Variants in MGAT4C observed in about 807,000 individuals in gnomAD.
MGAT4C encodes MGAT4 family member C, also known as alpha-1,3-mannosyl-glycoprotein 4-beta-N-acetylglucosaminyltransferase C.
A neutral mutation model predicts 40.1 loss-of-function variants in MGAT4C; 19 were observed. That is an observed-to-expected ratio of 0.47 (90% confidence interval 0.33 to 0.70). MGAT4C has a LOEUF of 0.70. Among genes scored for constraint, MGAT4C ranks in the 30% least tolerant of loss-of-function variants. MGAT4C has a pLI of 0.02. For missense variants in MGAT4C, 491 were observed against 563.2 expected (o/e 0.87, Z 1.30); for synonymous variants, 181 against 187.1 (o/e 0.97, Z 0.27).
intron 2 of MGAT4C, chr12:86,001,809 A>G (rs1189473886): frequency 1.1e-5 from 2 of 185,888 alleles, no homozygotes; most frequent in Non-Finnish European, 2.0e-5. Context: ...ACTCTGTTCT[A>G]TTTGATCCTA....
chr12:86,830,457 C>T (rs948323888), intron 1 of MGAT4C, among the ~76,000 whole-genome samples: 2 of 151,456 alleles, frequency 1.3e-5, no homozygotes, highest in African/African-American at 4.8e-5. Flanking sequence ...TCTATGTGTA[C>T]ATATGTGAAG....
intron 2 of MGAT4C, among the ~76,000 whole-genome samples, chr12:86,014,632 T>C (rs1033335634): frequency 1.8e-4 from 27 of 152,038 alleles, no homozygotes; most frequent in African/African-American, 6.3e-4. Flanking sequence ...CTGTGAAAAT[T>C]GTACAGAAGT....
At chr12:86,232,825 T>A (rs1445312631) in intron 1 of MGAT4C, among the ~76,000 whole-genome samples, 1 of 151,978 alleles carries the variant, frequency 6.6e-6, no homozygotes, top group Non-Finnish European at 1.5e-5. Context: ...ATTTCACAAG[T>A]TTGAAGGTGA....
chr12:86,216,389 T>G (rs924587917), intron 1 of MGAT4C, among the ~76,000 whole-genome samples: 1 of 152,202 alleles, frequency 6.6e-6, no homozygotes, highest in African/African-American at 2.4e-5. Flanking sequence ...AAGAAAATCT[T>G]AAGTTTCTTG....
rs139606577 is a variant in MGAT4C, at chr12:86,303,468, C to G, written c.-57+30597G>C. ...TTCCATTCGAAAATTCTATTAATAT[C>G]TCTTCCTACCTTGAGTCAGATCTTA... On this transcript the variant is annotated intron_variant, in intron 4 of 7. Coordinates refer to the MGAT4C transcript ENST00000548651. Among the ~76,000 whole-genome samples the G allele has an allele frequency of 1.3e-3, 199 of 149,972 alleles. 6 individuals carry two copies. The highest frequency in any genetic ancestry group is 0.012 in the Admixed American group (181 of 15,178).
intron 1 of MGAT4C, among the ~76,000 whole-genome samples, chr12:86,226,679 C>A (rs1267975830): frequency 6.6e-6 from 1 of 151,896 alleles, no homozygotes; most frequent in Non-Finnish European, 1.5e-5. Flanking sequence ...GTAGAGGAAT[C>A]ATGTTCCTAA....
At chr12:86,771,581 T>C (rs1381072094) in intron 1 of MGAT4C, among the ~76,000 whole-genome samples, 1 of 151,962 alleles carries the variant, frequency 6.6e-6, no homozygotes, top group Non-Finnish European at 1.5e-5. Flanking sequence ...GGCATGGTGG[T>C]TGATGCCTGT....
chr12:86,115,241 T>C (rs1392721492), intron 1 of MGAT4C, among the ~76,000 whole-genome samples: 1 of 151,830 alleles, frequency 6.6e-6, no homozygotes, highest in Non-Finnish European at 1.5e-5. Flanking sequence ...AGTATGACAA[T>C]GTGGAGATAA....
chr12:86,742,981 A>G (rs954217615), intron 1 of MGAT4C, among the ~76,000 whole-genome samples: 1 of 149,948 alleles, frequency 6.7e-6, no homozygotes, highest in Non-Finnish European at 1.5e-5. Flanking sequence ...GTTTATGTAT[A>G]TATGTGTGTG....
Position 86,755,590 on chromosome 12 carries a change from TTCTC to T in MGAT4C, c.-261-28353_-261-28350del, listed in dbSNP as rs531670973. Among the ~76,000 whole-genome samples the T allele has an allele frequency of 1.1e-4, 17 of 151,866 alleles. No individual in the cohort carries two copies. In the East Asian group the frequency reaches 3.3e-3, roughly 29 times the overall value. Reference sequence around the variant, plus strand: ...CTTTCTTTCTTTTTTTTTCTTTTCTTTCTCTCTTTCTCTCTCTCTCTTTCTTTCT... The same window carrying T: ...CTTTCTTTCTTTTTTTTTCTTTTCTTTCTTTCTCTCTCTCTCTTTCTTTCT... On this transcript the variant is annotated intron_variant, in intron 1 of 7. Transcript: ENST00000548651.
At chr12:86,396,898 C>A (rs1956272525) in intron 3 of MGAT4C, among the ~76,000 whole-genome samples, 1 of 151,460 alleles carries the variant, frequency 6.6e-6, no homozygotes, top group Non-Finnish European at 1.5e-5. Context: ...TGTATCATTT[C>A]TGCTAGTCTT....
intron 2 of MGAT4C, among the ~76,000 whole-genome samples, chr12:86,533,518 C>T (rs1959017614): frequency 6.6e-6 from 1 of 151,748 alleles, no homozygotes; most frequent in Non-Finnish European, 1.5e-5. Flanking sequence ...TTTTAACAGT[C>T]ATATTGAATA....
chr12:86,670,967 T>G (rs1323895076), intron 2 of MGAT4C, among the ~76,000 whole-genome samples: 1 of 152,230 alleles, frequency 6.6e-6, no homozygotes, highest in Admixed American at 6.5e-5. Flanking sequence ...TCTATTTTTT[T>G]GTCAACTTCA....
chr12:86,791,343 A>G (rs891485621), intron 1 of MGAT4C, among the ~76,000 whole-genome samples: 1 of 152,198 alleles, frequency 6.6e-6, no homozygotes, highest in Non-Finnish European at 1.5e-5. Flanking sequence ...CATCTTGGAA[A>G]GGACCAGATA....
chr12:86,188,909 A>G (rs913646508), intron 1 of MGAT4C, among the ~76,000 whole-genome samples: 6 of 151,938 alleles, frequency 3.9e-5, no homozygotes, highest in African/African-American at 1.4e-4. Flanking sequence ...AATAATATAA[A>G]TAAGTTTATA....
At chr12:86,096,965 T>G (rs1874048400) in intron 1 of MGAT4C, among the ~76,000 whole-genome samples, 1 of 151,608 alleles carries the variant, frequency 6.6e-6, no homozygotes, top group Non-Finnish European at 1.5e-5. Context: ...CTTTTGCTAC[T>G]TTTCCAATTT....
At position 86,670,742 on chromosome 12, in the gene MGAT4C, C is replaced by T. The variant is rs533016855; in HGVS notation, c.-229+56467G>A. 3.9e-5 allele frequency among the ~76,000 whole-genome samples: 6 copies of T among 152,224 alleles called. No individual in the cohort carries two copies. The South Asian group carries it at 1.2e-3, about 32-fold the overall frequency. On this transcript the variant is annotated intron_variant, in intron 2 of 7. Transcript: ENST00000548651. The stretch of plus-strand genomic sequence containing the variant: ...CCTGAAAGATACTATAAAAAATGAG[C>T]ATCACCAAGGCATATGGTCACCAGA...
chr12:86,629,110 C>T (rs1319004076), intron 2 of MGAT4C, among the ~76,000 whole-genome samples: 1 of 151,980 alleles, frequency 6.6e-6, no homozygotes, highest in African/African-American at 2.4e-5. Context: ...CAATCCTAGT[C>T]TCTGATTAAA....
At chr12:86,702,201 C>T (rs959042239) in intron 2 of MGAT4C, among the ~76,000 whole-genome samples, 3 of 140,758 alleles carry the variant, frequency 2.1e-5, no homozygotes, top group African/African-American at 7.4e-5. Context: ...CACCCACACA[C>T]CCAGCTATTT....
Sources: allele counts gnomAD v4.1 joint callset (sites outside exome capture counted in the v4.1 genomes callset), GRCh38; gene constraint gnomAD v4.1.1; transcripts MANE v1.5; gene names NCBI Gene and HGNC (gene_info 2026-07-23, HGNC 2026-07-21).